CAPN14: variants seen among roughly 807,000 people sequenced by gnomAD.
The protein encoded by CAPN14 is calpain 14.
Under a neutral mutation model 101.3 loss-of-function variants are expected in CAPN14, and 94 were observed. The ratio of observed to expected loss-of-function variants is 0.93; its 90% confidence interval spans 0.79 to 1.10. The LOEUF (loss-of-function observed/expected upper bound fraction) is 1.10. Ranked by LOEUF, CAPN14 falls within the 50% of genes least tolerant of loss-of-function variation. The pLI is 0.00. For synonymous variants in CAPN14, 338 were observed against 317.9 expected (o/e 1.06, Z -0.67); for missense variants, 837 against 828.4 (o/e 1.01, Z -0.13).
At chr2:31,203,186 C>T (rs564656539) in intron 2 of CAPN14, 47 bp from the exon 3 acceptor site, 3 of 1,494,718 alleles carry the variant, frequency 2.0e-6, no homozygotes, top group African/African-American at 1.4e-5. Flanking sequence ...AACAAAAAAG[C>T]TCCTGGAGCT....
At position 31,173,138 on chromosome 2, in the gene CAPN14, T is replaced by C. The variant is rs1680125316; in HGVS notation, c.*1543A>G. 1 of 152,326 alleles carries C rather than the reference T, an allele frequency of 6.6e-6. No individual in the cohort carries two copies. The highest frequency in any genetic ancestry group is 2.4e-5 in the African/African-American group (1 of 41,570). 9.4% of individuals were successfully genotyped at this position (152,326 alleles called of 1,614,324 possible). On this transcript the variant is annotated 3_prime_UTR_variant, in exon 22 of 22. Transcript: ENST00000403897. ...AAAGACAAAGACACAAATAAGTCAA[T>C]GGATATAAAAAACTGTAAAAGGCTG... is the stretch of plus-strand genomic sequence containing the variant.
chr2:31,176,562 G>A (rs1680299832), intron 21 of CAPN14, 25 bp downstream of exon 21: 2 of 1,547,410 alleles, frequency 1.3e-6, no homozygotes, highest in East Asian at 2.4e-5. Flanking sequence ...GATGACATGA[G>A]CCACCTCCTT....
At chr2:31,214,400 A>G (rs1440154115) in intron 1 of CAPN14, among the ~76,000 whole-genome samples, 1 of 152,192 alleles carries the variant, frequency 6.6e-6, no homozygotes, top group African/African-American at 2.4e-5. Flanking sequence ...CTTCCCCTCC[A>G]AAATGCTCAT....
At position 31,179,239 on chromosome 2, in the gene CAPN14, A is replaced by G. The variant is rs1475261440; in HGVS notation, c.1711-660T>C. Among the ~76,000 whole-genome samples, 3 of 151,740 alleles carry G rather than the reference A, an allele frequency of 2.0e-5. No individual in the cohort carries two copies. The East Asian group carries it at 5.8e-4, about 29-fold the overall frequency. On this transcript the variant is annotated intron_variant, in intron 17 of 21. Coordinates refer to ENST00000403897, the MANE Select transcript of CAPN14 (RefSeq NM_001145122.2). ...TTCCCCCTGCCCCCCACCCCCTGAC[A>G]GGTCCCAGGGTGTGATGTTCCCCAC...
rs12992405 is a variant in CAPN14, at chr2:31,174,466, A to G, written c.*215T>C. On this transcript the variant is annotated 3_prime_UTR_variant, in exon 22 of 22. Coordinates refer to ENST00000403897, the MANE Select transcript of CAPN14 (RefSeq NM_001145122.2). Reference sequence around the variant, plus strand: ...AGGGAAGGATGGCTAGCTTTTACAAATCTGATGTAATCTTTACTTCCTCCC... The same window carrying G: ...AGGGAAGGATGGCTAGCTTTTACAAGTCTGATGTAATCTTTACTTCCTCCC... The G allele has an allele frequency of 1.7e-6, 1 of 602,694 alleles. No homozygotes were observed. Among genetic ancestry groups the G allele is most frequent in the Admixed American group, 3.0e-5 (1 of 33,880 alleles). 37.3% of individuals were successfully genotyped at this position (602,694 alleles called of 1,614,324 possible).
At chr2:31,191,775 G>A (rs912045837) in intron 11 of CAPN14, among the ~76,000 whole-genome samples, 160 bp downstream of exon 11, 1 of 152,222 alleles carries the variant, frequency 6.6e-6, no homozygotes, top group Non-Finnish European at 1.5e-5. Flanking sequence ...AAGGTGACTT[G>A]TTCTAAATCA....
At position 31,202,157 on chromosome 2, in the gene CAPN14, A is replaced by G; in HGVS notation, c.391T>C (p.Tyr131His). 6.4e-7 allele frequency: 1 copy of G among 1,551,824 alleles called. No homozygotes were observed. Among genetic ancestry groups the G allele is most frequent in the Non-Finnish European group, 8.7e-7 (1 of 1,146,968 alleles). Residue 131 changes from tyrosine (Y) to histidine (H), a missense_variant, in exon 4 of 22, where the codon TAT becomes CAT. Physicochemically the swap from Tyr to His is moderately conservative, Grantham distance 83. Transcript: ENST00000403897. The stretch of plus-strand genomic sequence containing the variant: ...ACCCAGAACCGGAAGATGCCAGCAT[A>G]CTTCTCAGTGAAACTCTGATTCAGG... Reference protein sequence around the residue: ...VPLNQSFTEKYAGIFRFWFWH... With the variant: ...VPLNQSFTEKHAGIFRFWFWH...
intron 16 of CAPN14, among the ~76,000 whole-genome samples, chr2:31,181,390 CTTTCTTTTTTTCTTTCTTTCTTTCTT>C (rs1680592674): frequency 1.5e-5 from 2 of 136,166 alleles, no homozygotes; most frequent in Non-Finnish European, 3.1e-5. Flanking sequence ...TTCTTTTTTT[CTTTCTTTTTTTCTTTCTTTCTTTCTT>C]TCTTTCTTTC....
At chr2:31,221,719 G>T (rs76929994), upstream of CAPN14, among the ~76,000 whole-genome samples, 1,101 of 152,270 alleles carry the variant, frequency 7.2e-3, 16 homozygotes, top group Middle Eastern at 0.054. Context: ...CGGTTGCAAG[G>T]CTTCTGTTTC....
At chr2:31,193,077 A>T (rs369954587) in intron 10 of CAPN14, 54 bp downstream of exon 10, 12 of 1,489,918 alleles carry the variant, frequency 8.1e-6, no homozygotes, top group East Asian at 4.9e-5. Flanking sequence ...AGTCATTCTG[A>T]CACCCCCGCC....
chr2:31,219,535 G>T (rs1682797799), upstream of CAPN14, among the ~76,000 whole-genome samples: 1 of 152,216 alleles, frequency 6.6e-6, no homozygotes, highest in Non-Finnish European at 1.5e-5. Context: ...CTTTCCCGTG[G>T]AAACAAGATT....
At chr2:31,227,220 A>G (rs1357586712) in intron 1 of CAPN14, among the ~76,000 whole-genome samples, 1 of 152,152 alleles carries the variant, frequency 6.6e-6, no homozygotes, top group African/African-American at 2.4e-5. Context: ...CCTCCGTGTA[A>G]TATTGGATTT....
chr2:31,191,321 C>G (rs1572404177), intron 12 of CAPN14, 78 bp downstream of exon 12: 27 of 1,384,032 alleles, frequency 2.0e-5, no homozygotes, highest in Non-Finnish European at 2.7e-5. Context: ...CTGCTCCAGT[C>G]TAACTAAATC....
In CAPN14 at chr2:31,205,406, C is replaced by T. The variant is rs374924641; in HGVS notation, c.42G>A (p.Ala14=). ...GAGACGCCCTCCTAGAGTACCTTGG[C>T]GCCAGCTTCCATCTGCATCGGAAAG... is the stretch of plus-strand genomic sequence containing the variant. ...WPPFRCRWKL[A]PRYSRRASPQ... Residue 14 remains alanine (A), a synonymous_variant, in exon 2 of 22, where the codon GCG becomes GCA. Coordinates refer to ENST00000403897, the MANE Select transcript of CAPN14 (RefSeq NM_001145122.2). 4.1e-4 allele frequency: 636 copies of T among 1,551,526 alleles called. 3 individuals are homozygous for T. The highest frequency in any genetic ancestry group is 2.4e-3 in the South Asian group (203 of 84,046).
At chr2:31,203,434 CTT>C (rs1440095071) in intron 2 of CAPN14, among the ~76,000 whole-genome samples, 1 of 152,086 alleles carries the variant, frequency 6.6e-6, no homozygotes, top group Admixed American at 6.5e-5. Context: ...AATGGAAACA[CTT>C]TTATAGGAGG....
rs947039939 is a variant in CAPN14 at position 31,177,126 on chromosome 2, A to G, written c.1872T>C (p.Asp624=). Residue 624 remains aspartate, a synonymous_variant, in exon 20 of 22, where the codon GAT becomes GAC. Transcript: ENST00000403897. ...AMREAGIMLS[D]DVCQLMLIRY... Reference sequence around the variant, plus strand: ...GGATGAGCATCAGCTGACAGACGTCATCACTGAGCATGATTCCTGCATTGA... The same window carrying G: ...GGATGAGCATCAGCTGACAGACGTCGTCACTGAGCATGATTCCTGCATTGA... 1 of 1,550,744 alleles carries G rather than the reference A, an allele frequency of 6.4e-7. No individual in the cohort carries two copies. Among genetic ancestry groups the G allele is most frequent in the Non-Finnish European group, 8.7e-7 (1 of 1,146,416 alleles).
At chr2:31,180,238 G>A (rs921481666) in intron 17 of CAPN14, among the ~76,000 whole-genome samples, 7 of 152,166 alleles carry the variant, frequency 4.6e-5, no homozygotes, top group Non-Finnish European at 1.0e-4. Flanking sequence ...TCTTGTTCAA[G>A]TTCATACAGC....
intron 2 of CAPN14, 83 bp downstream of exon 2, chr2:31,205,140 T>G (rs1051302441): frequency 2.5e-6 from 3 of 1,216,154 alleles, no homozygotes; most frequent in African/African-American, 3.0e-5. Context: ...AGCCTGTTTT[T>G]TTCTCCCATA....
At chr2:31,183,764 T>C (rs1014328527) in intron 16 of CAPN14, among the ~76,000 whole-genome samples, 11 of 151,804 alleles carry the variant, frequency 7.2e-5, no homozygotes, top group African/African-American at 2.7e-4. Context: ...CCTTTCTTTC[T>C]TTCTTTCCTT....
Sources: allele counts gnomAD v4.1 joint callset (sites outside exome capture counted in the v4.1 genomes callset), GRCh38; gene constraint gnomAD v4.1.1; transcripts MANE v1.5; gene names NCBI Gene and HGNC (gene_info 2026-07-23, HGNC 2026-07-21).